Variants in MMP28 observed in about 807,000 individuals in gnomAD.
MMP28 encodes the protein matrix metallopeptidase 28, also known as matrix metalloproteinase-28.
In MMP28, 55 loss-of-function variants were observed where a neutral mutation model predicts 60.5. That is an observed-to-expected ratio of 0.91 (90% CI 0.73 to 1.14). MMP28 has a LOEUF of 1.14. MMP28 is among the 50% of genes most tolerant of loss of function. The pLI is 0.00. For synonymous variants in MMP28, 318 were observed against 312.5 expected, an observed-to-expected ratio of 1.02 and a Z score of -0.18; for missense variants, 686 against 738.3, an observed-to-expected ratio of 0.93 and a Z score of 0.82.
downstream of MMP28, among the ~76,000 whole-genome samples, chr17:35,763,604 A>C (rs977134809): frequency 1.1e-4 from 16 of 151,694 alleles, no homozygotes; most frequent in Non-Finnish European, 4.4e-5. Context: ...TTTTTTTGAA[A>C]AAGTATCCAG....
At chr17:35,769,774 G>A (rs1208034585) in intron 5 of MMP28, among the ~76,000 whole-genome samples, 2 of 150,588 alleles carry the variant, frequency 1.3e-5, no homozygotes, top group African/African-American at 4.9e-5. Flanking sequence ...GGGGCTGGGG[G>A]TTGGGCAGAA....
At chr17:35,768,831 G>C (rs868186033) in intron 5 of MMP28, among the ~76,000 whole-genome samples, 1 of 152,078 alleles carries the variant, frequency 6.6e-6, no homozygotes, top group African/African-American at 2.4e-5. Flanking sequence ...AAAAAGAGTT[G>C]TTCCTGGTTG....
At chr17:35,790,568 A>G (rs916068200) in intron 1 of MMP28, among the ~76,000 whole-genome samples, 1 of 151,840 alleles carries the variant, frequency 6.6e-6, no homozygotes, top group African/African-American at 2.4e-5. Context: ...TTTTTTGTCT[A>G]TTTTTTCTAT....
Position 35,766,138 on chromosome 17 carries a change from T to C in MMP28, c.*362A>G, listed in dbSNP as rs2085931397. The C allele has an allele frequency of 1.9e-6, 2 of 1,039,512 alleles. No homozygotes were observed. The allele number at this position is 1,039,512 out of a possible 1,614,324, so 64.4% of individuals were successfully genotyped here. ...GCAAAATGGTCTCGAATTTCTCTGC[T>C]GAGTTTTTCATCCCCCTGCTTGGAT... On this transcript the variant is annotated 3_prime_UTR_variant, in exon 8 of 8. Coordinates refer to ENST00000605424, the MANE Select transcript of MMP28 (RefSeq NM_024302.5). This position sits in a 1 kb window ranked among gnomAD's most constrained non-coding sequence, Gnocchi z 4.3.
At chr17:35,772,330 T>C (rs944866425) in intron 4 of MMP28, among the ~76,000 whole-genome samples, 2 of 152,210 alleles carry the variant, frequency 1.3e-5, no homozygotes, top group African/African-American at 2.4e-5. Flanking sequence ...GATAGAACCA[T>C]GTCAGGTAGA....
chr17:35,795,486 C>T lies in MMP28; in HGVS notation c.-109G>A, dbSNP rs899208231. On this transcript the variant is annotated 5_prime_UTR_variant, in exon 1 of 8. Transcript: ENST00000605424. ...GGATGGGACTGCTCTGCGCCGCCCC[C>T]GCACGGAGAGGGACTGTCCCGGGGT... 1.2e-5 allele frequency: 9 copies of T among 738,202 alleles called. No homozygotes were observed. In the African/African-American group the frequency reaches 1.5e-4, roughly 12 times the overall value. The allele number at this position is 738,202 out of a possible 1,614,324, so 45.7% of individuals were successfully genotyped here. A position where few individuals can be genotyped will look rare whatever the true frequency, so the allele number is the denominator to read the frequency against.
chr17:35,767,721 TCA>T, intron 7 of MMP28, 29 bp downstream of exon 7: 1 of 1,550,652 alleles, frequency 6.4e-7, no homozygotes, highest in South Asian at 1.2e-5. Context: ...TCTCTAGGGC[TCA>T]GTTTTCCCCG....
chr17:35,757,360 G>A (rs763180071), intron 2 of MMP28: 4 of 152,144 alleles, frequency 2.6e-5, no homozygotes, highest in Non-Finnish European at 4.4e-5. Flanking sequence ...GAGATTCAAA[G>A]AGAAGTCTGT....
At chr17:35,784,100 G>A (rs1335591909) in intron 1 of MMP28, among the ~76,000 whole-genome samples, 1 of 152,094 alleles carries the variant, frequency 6.6e-6, no homozygotes, top group Non-Finnish European at 1.5e-5. Flanking sequence ...GGCTAACACG[G>A]TGAAACCCCG....
At chr17:35,764,485 G>A (rs782452460), downstream of MMP28, 99 of 1,573,508 alleles carry the variant, frequency 6.3e-5, 1 homozygote, top group Non-Finnish European at 8.2e-5. Flanking sequence ...CCGCCGCGCC[G>A]CGGGGGCTGT....
At chr17:35,771,458 CT>C (rs2086137862) in intron 4 of MMP28, among the ~76,000 whole-genome samples, 1 of 138,608 alleles carries the variant, frequency 7.2e-6, no homozygotes, top group Admixed American at 7.1e-5. Flanking sequence ...AAAAGAATTA[CT>C]TTCAAAAAGA....
chr17:35,765,875 T>C lies in MMP28; in HGVS notation c.*625A>G. 1.0e-6 allele frequency: 1 copy of C among 985,430 alleles called. No homozygotes were observed. Among genetic ancestry groups the C allele is most frequent in the South Asian group, 4.7e-5 (1 of 21,292 alleles). The allele number at this position is 985,430 out of a possible 1,614,324, so 61.0% of individuals were successfully genotyped here. ...TCCAAGGAAGGCTGCTTCCTGCCTC[T>C]CGGCCCACCAGCTGAAGGCACCTCT... On this transcript the variant is annotated 3_prime_UTR_variant, in exon 8 of 8. Coordinates refer to ENST00000605424, the MANE Select transcript of MMP28 (RefSeq NM_024302.5).
chr17:35,775,717 G>A (rs774958769), intron 3 of MMP28, among the ~76,000 whole-genome samples: 2 of 152,198 alleles, frequency 1.3e-5, no homozygotes, highest in African/African-American at 2.4e-5. Context: ...GCTGCTGGGC[G>A]TGTAGTGCAT....
At position 35,792,037 on chromosome 17, in the gene MMP28, C is replaced by T. The variant is rs149501159; in HGVS notation, c.111+3230G>A. Reference sequence around the variant, plus strand: ...GAGGTCTAGTTCCCCGCACTGCAGTCAGGAATTGTCTCCAAGCAAAGAACT... The same window carrying T: ...GAGGTCTAGTTCCCCGCACTGCAGTTAGGAATTGTCTCCAAGCAAAGAACT... On this transcript the variant is annotated intron_variant, in intron 1 of 7. Coordinates refer to ENST00000605424, the MANE Select transcript of MMP28 (RefSeq NM_024302.5). 4.9e-4 allele frequency among the ~76,000 whole-genome samples: 74 copies of T among 152,202 alleles called. No individual in the cohort carries two copies. In the Middle Eastern group the frequency reaches 0.02, roughly 42 times the overall value.
chr17:35,766,391 G>C lies in MMP28; in HGVS notation c.*109C>G. 2.8e-6 allele frequency: 4 copies of C among 1,426,422 alleles called. No individual in the cohort carries two copies. Among genetic ancestry groups the C allele is most frequent in the Non-Finnish European group, 3.7e-6 (4 of 1,092,532 alleles). The allele number at this position is 1,426,422 out of a possible 1,614,324, so 88.4% of individuals were successfully genotyped here. ...CTTCCAGATGGAGGCTTTGCTGCCC[G>C]GTCTTCTGCAGAGGGACTCAGAGGC... On this transcript the variant is annotated 3_prime_UTR_variant, in exon 8 of 8. Coordinates refer to ENST00000605424, the MANE Select transcript of MMP28 (RefSeq NM_024302.5). This position sits in a 1 kb window ranked among gnomAD's most constrained non-coding sequence, Gnocchi z 4.3.
chr17:35,762,993 G>A (rs1237810813), downstream of MMP28, among the ~76,000 whole-genome samples: 5 of 152,008 alleles, frequency 3.3e-5, no homozygotes, highest in Admixed American at 2.0e-4. Context: ...GTGGTGGCGG[G>A]CGCCTATAGT....
In MMP28 at chr17:35,768,045, G is replaced by A. The variant is rs547125388; in HGVS notation, c.1001-126C>T. Reference sequence around the variant, plus strand: ...ATAGGGTATGGTGTGTACAGTTGGCGCAGAGGGGAAAGTGGGCAGGAAGAA... The same window carrying A: ...ATAGGGTATGGTGTGTACAGTTGGCACAGAGGGGAAAGTGGGCAGGAAGAA... On this transcript the variant is annotated intron_variant, in intron 6 of 7. Coordinates refer to ENST00000605424, the MANE Select transcript of MMP28 (RefSeq NM_024302.5). The A allele has an allele frequency of 2.2e-3, 2,893 of 1,311,330 alleles. 4 individuals are homozygous for A. Among genetic ancestry groups the A allele is most frequent in the Non-Finnish European group, 2.6e-3 (2,493 of 967,118 alleles). 81.2% of individuals were successfully genotyped at this position (1,311,330 alleles called of 1,614,324 possible).
chr17:35,764,108 A>G, downstream of MMP28: 1 of 1,550,290 alleles, frequency 6.5e-7, no homozygotes, highest in African/African-American at 1.4e-5. Flanking sequence ...GGACGAGGAC[A>G]ACCAGAGGCC....
chr17:35,772,104 T>C lies in MMP28; in HGVS notation c.604+1076A>G, dbSNP rs529803067. ...GAGATCCTCCTGGGGGCATGGAAAG[T>C]CAGCCGCATGTAGGAGGAATACATG... On this transcript the variant is annotated intron_variant, in intron 4 of 7. Coordinates refer to ENST00000605424, the MANE Select transcript of MMP28 (RefSeq NM_024302.5). Among the ~76,000 whole-genome samples, 67 of 152,194 alleles carry C rather than the reference T, an allele frequency of 4.4e-4. 1 individual carries two copies. The South Asian group carries it at 0.013, about 31-fold the overall frequency.
Sources: gnomAD v4.1 joint callset for allele counts (sites outside exome capture counted in the v4.1 genomes callset) on GRCh38, gnomAD v4.1.1 for gene constraint, Gnocchi (gnomAD v3.1) non-coding constraint, MANE v1.5 for transcripts, NCBI Gene and HGNC (gene_info 2026-07-23, HGNC 2026-07-21) for gene names.